PRKCB: variants seen among roughly 807,000 people sequenced by gnomAD.
PRKCB encodes the protein protein kinase C beta type.
In PRKCB, 13 loss-of-function variants were observed where a neutral mutation model predicts 81.5. The ratio of observed to expected loss-of-function variants is 0.16; its 90% CI spans 0.10 to 0.25. The LOEUF is 0.25. Among genes scored for constraint, PRKCB ranks in the 10% least tolerant of loss-of-function variants. The pLI is 1.00. For synonymous variants in PRKCB, 335 were observed against 321.4 expected, an observed-to-expected ratio of 1.04 and a Z score of -0.45; for missense variants, 509 against 875.7, an observed-to-expected ratio of 0.58 and a Z score of 5.29.
In PRKCB at chr16:24,141,778, C is replaced by T. The variant is rs1293083464; in HGVS notation, c.1066-12906C>T. 4.6e-5 allele frequency among the ~76,000 whole-genome samples: 7 copies of T among 152,182 alleles called. No homozygotes were observed. The East Asian group carries it at 7.7e-4, about 17-fold the overall frequency. ...TACCCAGGGAGGATCCTGGAGGTCA[C>T]GTGCCCAGTACCACCTCTAAGCACA... On this transcript the variant is annotated intron_variant, in intron 9 of 16. Coordinates refer to ENST00000643927, the MANE Select transcript of PRKCB (RefSeq NM_002738.7).
chr16:23,885,087 C>T (rs914185618), intron 2 of PRKCB, among the ~76,000 whole-genome samples: 18 of 152,168 alleles, frequency 1.2e-4, no homozygotes, highest in East Asian at 9.6e-4. Flanking sequence ...TTAACAATAA[C>T]GATAATAATA....
At chr16:23,930,727 T>C (rs1476609845) in intron 2 of PRKCB, among the ~76,000 whole-genome samples, 1 of 152,176 alleles carries the variant, frequency 6.6e-6, no homozygotes, top group Non-Finnish European at 1.5e-5. Flanking sequence ...TTAGTACTTA[T>C]TATGAGCTTC....
chr16:23,884,289 T>C, intron 2 of PRKCB, among the ~76,000 whole-genome samples: 1 of 152,218 alleles, frequency 6.6e-6, no homozygotes, highest in East Asian at 1.9e-4. Context: ...ACATTTTCAA[T>C]GTAAGCAAAA....
At chr16:24,035,332 A>G in intron 4 of PRKCB, 87 bp from the exon 5 acceptor site, 1 of 1,504,588 alleles carries the variant, frequency 6.6e-7, no homozygotes, top group Non-Finnish European at 9.0e-7. Flanking sequence ...GGAAACAGGA[A>G]GGGCTCAGCG....
chr16:24,174,498 T>TA lies in PRKCB; in HGVS notation c.1332-20_1332-19insA. ...TGTCCTTGAGTTTCTCCATCGCTTT[T>TA]TTTTTTTTTTTAATTTCAGATTTTA... On this transcript the variant is annotated intron_variant, in intron 11 of 16. Transcript: ENST00000643927. 12 of 1,577,252 alleles carry TA rather than the reference T, an allele frequency of 7.6e-6. No homozygotes were observed. Among genetic ancestry groups the TA allele is most frequent in the Non-Finnish European group, 1.0e-5 (12 of 1,156,148 alleles).
At chr16:24,184,454 C>CA (rs61013539) in intron 13 of PRKCB, among the ~76,000 whole-genome samples, 14,136 of 130,278 alleles carry the variant, frequency 0.11, 744 homozygotes, top group East Asian at 0.21. Context: ...GACACTATCT[C>CA]AAAAAAAAAA....
intron 2 of PRKCB, among the ~76,000 whole-genome samples, chr16:23,849,565 G>A (rs1470535717): frequency 6.6e-6 from 1 of 152,122 alleles, no homozygotes; most frequent in Admixed American, 6.5e-5. Flanking sequence ...CAAAATTTAT[G>A]GCTGAGGGTA....
At chr16:23,991,649 GCACAGTGAAT>G (rs1964887027) in intron 3 of PRKCB, among the ~76,000 whole-genome samples, 1 of 152,218 alleles carries the variant, frequency 6.6e-6, no homozygotes, top group African/African-American at 2.4e-5. Flanking sequence ...TTGGCTTCAA[GCACAGTGAAT>G]CAAAGTTCTA....
intron 2 of PRKCB, among the ~76,000 whole-genome samples, chr16:23,838,289 T>G (rs959535990): frequency 6.6e-6 from 1 of 152,326 alleles, no homozygotes; most frequent in Admixed American, 6.5e-5. Flanking sequence ...GGTCTCACTT[T>G]CGCTTGAAAA....
At chr16:23,992,257 G>A (rs1964895854) in intron 3 of PRKCB, among the ~76,000 whole-genome samples, 1 of 152,208 alleles carries the variant, frequency 6.6e-6, no homozygotes, top group Non-Finnish European at 1.5e-5. Context: ...GACTAGGACA[G>A]AAAATTTTGG....
intron 2 of PRKCB, among the ~76,000 whole-genome samples, chr16:23,916,381 G>A (rs185268970): frequency 1.3e-3 from 203 of 152,004 alleles, no homozygotes; most frequent in Middle Eastern, 3.4e-3. Flanking sequence ...CTTTTTTTAT[G>A]CATCATTGTA....
chr16:24,013,221 A>G (rs984818637), intron 3 of PRKCB, among the ~76,000 whole-genome samples: 1 of 152,176 alleles, frequency 6.6e-6, no homozygotes, highest in Non-Finnish European at 1.5e-5. Flanking sequence ...TCTTGCTGTC[A>G]CATATCTTAG....
intron 2 of PRKCB, among the ~76,000 whole-genome samples, chr16:23,897,948 G>A (rs915834035): frequency 6.6e-6 from 1 of 151,810 alleles, no homozygotes; most frequent in Non-Finnish European, 1.5e-5. Context: ...GTCCAGGCTG[G>A]AGTGCAATGG....
At chr16:23,964,732 G>A (rs184512737) in intron 2 of PRKCB, among the ~76,000 whole-genome samples, 13 of 149,896 alleles carry the variant, frequency 8.7e-5, no homozygotes, top group Admixed American at 4.0e-4. Flanking sequence ...GCAGTGTCGC[G>A]ATCTCAGCTC....
At chr16:23,848,290 C>T (rs912805335) in intron 2 of PRKCB, among the ~76,000 whole-genome samples, 1 of 152,034 alleles carries the variant, frequency 6.6e-6, no homozygotes, top group Non-Finnish European at 1.5e-5. Context: ...ATGCCTTTGG[C>T]AACAATACTT....
chr16:24,143,066 A>G (rs1237043783), intron 9 of PRKCB, among the ~76,000 whole-genome samples: 1 of 151,944 alleles, frequency 6.6e-6, no homozygotes, highest in Non-Finnish European at 1.5e-5. Flanking sequence ...TCTTCTGCCA[A>G]TTTAGTGTTT....
At chr16:24,205,036 C>A (rs1968022052) in intron 16 of PRKCB, among the ~76,000 whole-genome samples, 1 of 151,602 alleles carries the variant, frequency 6.6e-6, no homozygotes, top group Non-Finnish European at 1.5e-5. Context: ...AGGAGAATCG[C>A]TTGAACCCGG....
At chr16:24,185,975 C>T (rs914208871) in intron 15 of PRKCB, among the ~76,000 whole-genome samples, 1 of 152,190 alleles carries the variant, frequency 6.6e-6, no homozygotes, top group African/African-American at 2.4e-5. Context: ...ATACTAAGAG[C>T]GTGCAACTTT....
Position 24,177,744 on chromosome 16 carries a change from A to G in PRKCB, c.1395-3046A>G, listed in dbSNP as rs537672285. ...GAACAAGGGGTGATGTGTGTGTCCC[A>G]TGGCAGCTTGGGTGGTGGTGTCACT... is the stretch of plus-strand genomic sequence containing the variant. On this transcript the variant is annotated intron_variant, in intron 12 of 16. Coordinates refer to ENST00000643927, the MANE Select transcript of PRKCB (RefSeq NM_002738.7). Among the ~76,000 whole-genome samples, 6 of 152,326 alleles carry G rather than the reference A, an allele frequency of 3.9e-5. No homozygotes were observed. In the East Asian group the frequency reaches 1.2e-3, roughly 29 times the overall value.
Sources: gnomAD v4.1 joint callset for allele counts (sites outside exome capture counted in the v4.1 genomes callset) on GRCh38, gnomAD v4.1.1 for gene constraint, MANE v1.5 for transcripts, NCBI Gene and HGNC (gene_info 2026-07-23, HGNC 2026-07-21) for gene names.